IGF2R: variants seen among roughly 807,000 people sequenced by gnomAD.
IGF2R encodes insulin like growth factor 2 receptor, also known as cation-independent mannose-6-phosphate receptor.
IGF2R carries 91 observed loss-of-function variants against 270.6 expected under a neutral mutation model. The observed-to-expected ratio is 0.34, with a 90% CI of 0.28 to 0.40. The LOEUF (loss-of-function observed/expected upper bound fraction) is 0.40. Among genes scored for constraint, IGF2R ranks in the 10% least tolerant of loss-of-function variants. IGF2R has a pLI of 1.00. For synonymous variants in IGF2R, 1,316 were observed against 1,258.9 expected (o/e 1.05, Z -0.96); for missense variants, 2,805 against 3,188.3 (o/e 0.88, Z 2.90).
intron 41 of IGF2R, among the ~76,000 whole-genome samples, chr6:160,086,538 C>A (rs1380088542): frequency 1.3e-5 from 2 of 152,204 alleles, no homozygotes; most frequent in East Asian, 3.8e-4. Flanking sequence ...ACAGGCTGGG[C>A]CCCTGAGCCG....
chr6:160,050,364 T>C lies in IGF2R; in HGVS notation c.2515-109T>C. On this transcript the variant is annotated intron_variant, in intron 18 of 47. Coordinates refer to ENST00000356956, the MANE Select transcript of IGF2R (RefSeq NM_000876.4). This position sits in a 1 kb window ranked among gnomAD's most constrained non-coding sequence, Gnocchi z 4.0. ...GATTTCCCCAGGAGCAGTGGTTCTG[T>C]ATTCAATAATTCATTGTTTGCTGCA... The C allele has an allele frequency of 1.8e-6, 2 of 1,095,188 alleles. No individual in the cohort carries two copies. Among genetic ancestry groups the C allele is most frequent in the Non-Finnish European group, 2.7e-6 (2 of 748,456 alleles). 67.8% of individuals were successfully genotyped at this position (1,095,188 alleles called of 1,614,324 possible). A position where few individuals can be genotyped will look rare whatever the true frequency, so the allele number is the denominator to read the frequency against.
At chr6:159,979,683 G>A (rs1341468469) in intron 1 of IGF2R, among the ~76,000 whole-genome samples, 1 of 152,156 alleles carries the variant, frequency 6.6e-6, no homozygotes, top group Admixed American at 6.5e-5. Context: ...CCTGGTGGGG[G>A]GCCTGCATGT....
chr6:159,994,916 G>C (rs542225727), intron 2 of IGF2R, among the ~76,000 whole-genome samples: 2 of 152,308 alleles, frequency 1.3e-5, no homozygotes, highest in East Asian at 3.9e-4. Flanking sequence ...ATGTCCTGTG[G>C]TTGTTGGGTA....
rs558308403 is a variant in IGF2R, at chr6:160,069,102, C to T, written c.4252+717C>T. ...CTGCGTATGTTGAGAGTTGTATGGT[C>T]GGTCCTTTTGTGATGCAGGGACAGC... is the stretch of plus-strand genomic sequence containing the variant. On this transcript the variant is annotated intron_variant, in intron 30 of 47. Transcript: ENST00000356956. Among the ~76,000 whole-genome samples the T allele has an allele frequency of 6.6e-5, 10 of 152,006 alleles. No homozygotes were observed. The South Asian group carries it at 1.0e-3, about 16-fold the overall frequency.
chr6:160,051,474 GGTTCAAAGGAT>G (rs1045059917), intron 19 of IGF2R, among the ~76,000 whole-genome samples: 3 of 152,166 alleles, frequency 2.0e-5, no homozygotes, highest in African/African-American at 7.2e-5. Flanking sequence ...AACAAGGCAC[GGTTCAAAGGAT>G]GACCTTGATT....
intron 2 of IGF2R, among the ~76,000 whole-genome samples, chr6:159,996,030 C>T (rs904848660): frequency 6.8e-6 from 1 of 147,536 alleles, no homozygotes; most frequent in Non-Finnish European, 1.5e-5. Flanking sequence ...GTGAATATAA[C>T]GTATGTTGTA....
At chr6:160,065,166 T>A (rs1562364109) in intron 29 of IGF2R, among the ~76,000 whole-genome samples, 2 of 152,286 alleles carry the variant, frequency 1.3e-5, no homozygotes, top group South Asian at 4.1e-4. Flanking sequence ...CACATGTCAG[T>A]GAGCAGAGTG....
rs1308205556 is a variant in IGF2R at position 160,072,841 on chromosome 6, C to T, written c.4647C>T (p.Tyr1549=). The T allele has an allele frequency of 6.2e-7, 1 of 1,614,028 alleles. No homozygotes were observed. Among genetic ancestry groups the T allele is most frequent in the African/African-American group, 1.3e-5 (1 of 74,936 alleles). The change falls in exon 33 of 48, where the codon TAC becomes TAT. Residue 1549 remains tyrosine, a synonymous_variant. Coordinates refer to ENST00000356956, the MANE Select transcript of IGF2R (RefSeq NM_000876.4). ...CTTACAGCGAGAAGGGGTTGGTTTACATGAGCATCTGTGGGGAGAATGAAA... is the reference window on the plus strand; with the variant it reads ...CTTACAGCGAGAAGGGGTTGGTTTATATGAGCATCTGTGGGGAGAATGAAA... The part of the protein sequence containing the change: ...TAAYSEKGLV[Y]MSICGENENC...
intron 2 of IGF2R, among the ~76,000 whole-genome samples, chr6:159,995,469 A>G (rs1784037887): frequency 6.6e-6 from 1 of 152,038 alleles, no homozygotes; most frequent in East Asian, 1.9e-4. Context: ...TGTTCCTGTC[A>G]TAGTGTTAAT....
Position 160,079,789 on chromosome 6 carries a change from TA to T in IGF2R, c.5686+5del, listed in dbSNP as rs1161395815. ...TGAATGGTGATCGTTGCCCTCCAGG[TA>T]AATATTTGCAATGAGGTAAATAAAC... On this transcript the variant is annotated splice_donor_region_variant and intron_variant, in intron 38 of 47. Coordinates refer to ENST00000356956, the MANE Select transcript of IGF2R (RefSeq NM_000876.4). The T allele has an allele frequency of 1.4e-6, 2 of 1,448,304 alleles. No homozygotes were observed. The highest frequency in any genetic ancestry group is 9.1e-7 in the Non-Finnish European group (1 of 1,095,842). 89.7% of individuals were successfully genotyped at this position (1,448,304 alleles called of 1,614,324 possible). A position where few individuals can be genotyped will look rare whatever the true frequency, so the allele number is the denominator to read the frequency against.
chr6:160,057,397 A>G (rs1180957279), intron 20 of IGF2R, among the ~76,000 whole-genome samples: 1 of 152,156 alleles, frequency 6.6e-6, no homozygotes, highest in South Asian at 2.1e-4. Flanking sequence ...TCTAAGCTAC[A>G]CTGCAGACTC....
intron 29 of IGF2R, among the ~76,000 whole-genome samples, chr6:160,066,150 G>C (rs998611808): frequency 4.0e-5 from 6 of 151,798 alleles, no homozygotes; most frequent in Admixed American, 3.3e-4. Flanking sequence ...GAGTAGCTGG[G>C]ATTACAGGCG....
At chr6:160,089,815 G>T (rs1779179336) in intron 43 of IGF2R, 101 bp from the exon 44 acceptor site, 2 of 744,244 alleles carry the variant, frequency 2.7e-6, no homozygotes, top group African/African-American at 3.6e-5. Flanking sequence ...AGGAAAGGAA[G>T]CATCCTGGGG....
In IGF2R at chr6:160,027,263, C is replaced by A; in HGVS notation, c.725C>A (p.Ala242Glu). The part of the protein sequence containing the change: ...TAACLVRGHQ[A>E]FDVGQPRDGL... ...GCCTGCCTGGTAAGAGGACACCAGGCGTTTGATGTTGGCCAGCCCCGGGAC... is the reference window on the plus strand; with the variant it reads ...GCCTGCCTGGTAAGAGGACACCAGGAGTTTGATGTTGGCCAGCCCCGGGAC... Residue 242 changes from alanine to glutamate, a missense_variant, in exon 6 of 48, where the codon GCG becomes GAG. Coordinates refer to ENST00000356956, the MANE Select transcript of IGF2R (RefSeq NM_000876.4). The A allele has an allele frequency of 6.2e-7, 1 of 1,614,142 alleles. No individual in the cohort carries two copies. The highest frequency in any genetic ancestry group is 2.2e-5 in the East Asian group (1 of 44,882).
chr6:160,061,893 T>A lies in IGF2R; in HGVS notation c.3547T>A (p.Ser1183Thr). Residue 1183 changes from serine to threonine, a missense_variant, in exon 25 of 48, where the codon TCC (serine) becomes ACC (threonine). Around this residue, in one of 2 missense-constraint regions of IGF2R, gnomAD observed 1,851 missense variants for 2,207.2 expected, o/e 0.84. Coordinates refer to ENST00000356956, the MANE Select transcript of IGF2R (RefSeq NM_000876.4). The part of the protein sequence containing the change: ...NGDKCGNQRF[S>T]TRITFECAQI... ...TGACAAGTGTGGGAACCAGCGCTTC[T>A]CCACCAGGATCACGTTTGAGTGTGC... 6.2e-7 allele frequency: 1 copy of A among 1,614,198 alleles called. No individual in the cohort carries two copies. Among genetic ancestry groups the A allele is most frequent in the African/African-American group, 1.3e-5 (1 of 75,048 alleles).
Position 160,096,455 on chromosome 6 carries a change from C to T in IGF2R, c.6672C>T (p.Val2224=), listed in dbSNP as rs764978086. 39 of 1,610,570 alleles carry T rather than the reference C, an allele frequency of 2.4e-5. No individual in the cohort carries two copies. Among genetic ancestry groups the T allele is most frequent in the Middle Eastern group, 3.3e-4 (2 of 6,074 alleles). The part of the protein sequence containing the change: ...KYYLQDGDLD[V]VFASSSKCGK... ...GTTTGACAGACGGCGATCTCGATGT[C>T]GTGTTTGCCTCTTCCTCTAAGTGCG... Residue 2224 remains valine (V), a synonymous_variant, in exon 45 of 48, where the codon GTC becomes GTT. Coordinates refer to ENST00000356956, the MANE Select transcript of IGF2R (RefSeq NM_000876.4).
intron 4 of IGF2R, 102 bp downstream of exon 4, chr6:160,010,887 C>T (rs1264997801): frequency 3.0e-6 from 2 of 675,394 alleles, no homozygotes; most frequent in African/African-American, 1.8e-5. Context: ...TCTTTTTTAG[C>T]TTCCAAATTG....
chr6:160,074,124 C>T (rs973692310), intron 35 of IGF2R, 149 bp downstream of exon 35: 3 of 625,516 alleles, frequency 4.8e-6, no homozygotes, highest in Non-Finnish European at 8.4e-6. Flanking sequence ...GGGTCCGCTA[C>T]TGGAAGATTA....
intron 4 of IGF2R, among the ~76,000 whole-genome samples, chr6:160,012,745 T>TTTTATATA (rs1300346010): frequency 1.9e-5 from 2 of 105,310 alleles, no homozygotes; most frequent in Admixed American, 9.7e-5. Context: ...CCCGGCTAAT[T>TTTTATATA]TATATATATA....
Sources: allele counts gnomAD v4.1 joint callset (sites outside exome capture counted in the v4.1 genomes callset), GRCh38; gene constraint gnomAD v4.1.1; regional missense constraint gnomAD v4.1.1; non-coding constraint Gnocchi (gnomAD v3.1); transcripts MANE v1.5; gene names NCBI Gene and HGNC (gene_info 2026-07-23, HGNC 2026-07-21).